LDB2: variants seen among roughly 807,000 people sequenced by gnomAD.
LDB2 encodes LIM domain-binding protein 2.
In LDB2, 12 loss-of-function variants were observed where a neutral mutation model predicts 44.3. That is an observed-to-expected ratio of 0.27 (90% CI 0.17 to 0.44). LDB2 has a LOEUF of 0.44. Among genes scored for constraint, LDB2 ranks in the 20% least tolerant of loss-of-function variants. The pLI is 1.00. For missense variants in LDB2, 344 were observed against 473.5 expected (o/e 0.73, Z 2.54); for synonymous variants, 164 against 174.8 (o/e 0.94, Z 0.49).
intron 1 of LDB2, among the ~76,000 whole-genome samples, chr4:16,881,176 C>T (rs1349337306): frequency 2.6e-5 from 4 of 152,280 alleles, no homozygotes; most frequent in East Asian, 1.9e-4. Flanking sequence ...GTAAAGTGGG[C>T]GCTGTCTGGA....
intron 1 of LDB2, among the ~76,000 whole-genome samples, chr4:16,882,320 T>C (rs116822238): frequency 0.015 from 2,227 of 152,336 alleles, 23 homozygotes; most frequent in Middle Eastern, 0.065. Context: ...CCATGAATGC[T>C]ACTTCTTAAA....
At chr4:16,770,182 C>T (rs1770345985) in intron 1 of LDB2, among the ~76,000 whole-genome samples, 2 of 152,118 alleles carry the variant, frequency 1.3e-5, no homozygotes, top group Admixed American at 6.5e-5. Context: ...GTTGGGATTC[C>T]TGTCAGCTTT....
chr4:16,656,075 AT>A (rs976963029), intron 2 of LDB2, among the ~76,000 whole-genome samples: 6 of 151,174 alleles, frequency 4.0e-5, no homozygotes, highest in South Asian at 4.2e-4. Context: ...AATTTTTTGT[AT>A]TTTTTAGTAG....
intron 1 of LDB2, among the ~76,000 whole-genome samples, chr4:16,878,226 A>G (rs115342026): frequency 0.016 from 2,371 of 152,276 alleles, 57 homozygotes; most frequent in African/African-American, 0.053. Flanking sequence ...GCAATTTCCA[A>G]TGGATTCTGG....
At chr4:16,830,799 T>C (rs1443543715) in intron 1 of LDB2, among the ~76,000 whole-genome samples, 1 of 152,012 alleles carries the variant, frequency 6.6e-6, no homozygotes, top group Non-Finnish European at 1.5e-5. Context: ...GTCCAAGGAG[T>C]GTCATTTCAT....
intron 5 of LDB2, among the ~76,000 whole-genome samples, chr4:16,581,004 G>A (rs1560535004): frequency 6.6e-6 from 1 of 152,094 alleles, no homozygotes; most frequent in South Asian, 2.1e-4. Context: ...TGAAATGATG[G>A]CAATTTCAAA....
intron 5 of LDB2, among the ~76,000 whole-genome samples, chr4:16,567,364 T>TA (rs1383284432): frequency 8.0e-5 from 8 of 99,558 alleles, no homozygotes; most frequent in Admixed American, 2.4e-4. Flanking sequence ...ACTGCAGACA[T>TA]AGAGTGTGTG....
Position 16,700,126 on chromosome 4 carries a change from C to T in LDB2, c.235+59032G>A, listed in dbSNP as rs1646469400. Among the ~76,000 whole-genome samples the T allele has an allele frequency of 2.0e-5, 3 of 152,098 alleles. No individual in the cohort carries two copies. In the South Asian group the frequency reaches 6.2e-4, roughly 32 times the overall value. On this transcript the variant is annotated intron_variant, in intron 2 of 7. Transcript: ENST00000304523. ...AGAATGCTCCAATGAACATTTCCTT[C>T]GACCCTCACATCAGCACTCAAAACA...
chr4:16,642,064 A>G (rs532042722), intron 2 of LDB2, among the ~76,000 whole-genome samples: 1 of 152,338 alleles, frequency 6.6e-6, no homozygotes, highest in African/African-American at 2.4e-5. Flanking sequence ...CTGGTAGCCA[A>G]AAATAGAAAT....
chr4:16,770,741 C>T (rs1770487958), intron 1 of LDB2, among the ~76,000 whole-genome samples: 1 of 152,090 alleles, frequency 6.6e-6, no homozygotes, highest in Non-Finnish European at 1.5e-5. Context: ...TTTTTAATAA[C>T]TAAATTTCCT....
chr4:16,749,565 A>T (rs565696632), intron 2 of LDB2, among the ~76,000 whole-genome samples: 107 of 138,722 alleles, frequency 7.7e-4, no homozygotes, highest in South Asian at 1.1e-3. Context: ...TCTCAAAAAA[A>T]AAAAAAATAA....
rs186651604 is a variant in LDB2, at chr4:16,618,080, G to A, written c.236-22205C>T. Reference sequence around the variant, plus strand: ...TTTCCACAGGCCAATTCTGTTAGGCGCACCTCCTGCAAATTCCATTAACTA... The same window carrying A: ...TTTCCACAGGCCAATTCTGTTAGGCACACCTCCTGCAAATTCCATTAACTA... On this transcript the variant is annotated intron_variant, in intron 2 of 7. Transcript: ENST00000304523. 1.3e-3 allele frequency among the ~76,000 whole-genome samples: 200 copies of A among 152,160 alleles called. 1 individual carries two copies. Among genetic ancestry groups the A allele is most frequent in the Admixed American group, 9.8e-4 (15 of 15,278 alleles).
At position 16,586,145 on chromosome 4, in the gene LDB2, T is replaced by G. The variant is rs192278959; in HGVS notation, c.532-140A>C. 4.3e-4 allele frequency: 273 copies of G among 641,724 alleles called. No homozygotes were observed. In the African/African-American group the frequency reaches 4.6e-3, roughly 11 times the overall value. The allele number at this position is 641,724 out of a possible 1,614,324, so 39.8% of individuals were successfully genotyped here. ...GGAGGGCAGGCTGCTGGAGGTAATT[T>G]AATTTACATTTTGAAGACACTTGCA... On this transcript the variant is annotated intron_variant, in intron 4 of 7. Transcript: ENST00000304523.
At chr4:16,881,827 G>A (rs2110437569) in intron 1 of LDB2, among the ~76,000 whole-genome samples, 1 of 152,156 alleles carries the variant, frequency 6.6e-6, no homozygotes, top group African/African-American at 2.4e-5. Flanking sequence ...ATTACAATAA[G>A]TTAAGAGACC....
At chr4:16,539,802 A>C (rs1403947419) in intron 5 of LDB2, among the ~76,000 whole-genome samples, 2 of 152,080 alleles carry the variant, frequency 1.3e-5, no homozygotes, top group Non-Finnish European at 2.9e-5. Flanking sequence ...TGTTCACCAA[A>C]TATCCATGTG....
chr4:16,533,666 C>G lies in LDB2; in HGVS notation c.616-21562G>C, dbSNP rs1730848135. 6.6e-6 allele frequency among the ~76,000 whole-genome samples: 1 copy of G among 152,178 alleles called. No individual in the cohort carries two copies. Among genetic ancestry groups the G allele is most frequent in the Non-Finnish European group, 1.5e-5 (1 of 68,032 alleles). ...CCATATCCCTAACGTTACCAGACAC[C>G]TTGTCTGAGGGACGTCACCCTGGCT... On this transcript the variant is annotated intron_variant, in intron 5 of 7. Transcript: ENST00000304523. The surrounding 1 kb of genome is among the most constrained non-coding windows in gnomAD (Gnocchi z 4.1).
At chr4:16,864,116 G>A (rs1269032597) in intron 1 of LDB2, among the ~76,000 whole-genome samples, 1 of 152,062 alleles carries the variant, frequency 6.6e-6, no homozygotes, top group African/African-American at 2.4e-5. Flanking sequence ...GAGGGAGAGA[G>A]AGAAAAACCA....
intron 5 of LDB2, among the ~76,000 whole-genome samples, chr4:16,581,136 A>G (rs1436316918): frequency 2.0e-5 from 3 of 152,216 alleles, no homozygotes; most frequent in African/African-American, 7.2e-5. Flanking sequence ...AGGGGAATTC[A>G]ATGAAAGATT....
intron 2 of LDB2, among the ~76,000 whole-genome samples, chr4:16,669,602 G>T (rs1294052940): frequency 6.6e-6 from 1 of 152,210 alleles, no homozygotes; most frequent in East Asian, 1.9e-4. Flanking sequence ...CACAGAGGAA[G>T]GTTAAGAATT....
Sources: allele counts gnomAD v4.1 joint callset (sites outside exome capture counted in the v4.1 genomes callset), GRCh38; gene constraint gnomAD v4.1.1; non-coding constraint Gnocchi (gnomAD v3.1); transcripts MANE v1.5; gene names NCBI Gene and HGNC (gene_info 2026-07-23, HGNC 2026-07-21).